The following PITPNC1 variants were observed in gnomAD, a reference collection of about 807,000 sequenced individuals.
The protein encoded by PITPNC1 is cytoplasmic phosphatidylinositol transfer protein 1.
A neutral mutation model predicts 44.7 loss-of-function variants in PITPNC1; 18 were observed. The observed-to-expected ratio is 0.40, with a 90% CI of 0.28 to 0.60. PITPNC1 has a LOEUF of 0.60. PITPNC1 is among the 20% of genes least tolerant of loss of function. The pLI, the probability that PITPNC1 is intolerant of heterozygous loss-of-function variation, is 0.39. For missense variants in PITPNC1, 290 were observed against 418.4 expected, an observed-to-expected ratio of 0.69 and a Z score of 2.68; for synonymous variants, 141 against 149.6, an observed-to-expected ratio of 0.94 and a Z score of 0.42.
chr17:67,671,328 TAAG>T (rs1191904526), intron 7 of PITPNC1, among the ~76,000 whole-genome samples: 2 of 152,232 alleles, frequency 1.3e-5, no homozygotes, highest in Non-Finnish European at 2.9e-5. Flanking sequence ...CTCATTTTCA[TAAG>T]AATAAATACT....
chr17:67,607,878 G>A lies in PITPNC1; in HGVS notation c.367-24265G>A, dbSNP rs9914486. ...CGAGTACCTGGGATTATAGGCGCCCGCCACCATGCCCAGCTAAATTTTTGT... is the reference window on the plus strand; with the variant it reads ...CGAGTACCTGGGATTATAGGCGCCCACCACCATGCCCAGCTAAATTTTTGT... On this transcript the variant is annotated intron_variant, in intron 5 of 8. Transcript: ENST00000581322. 7.7e-3 allele frequency among the ~76,000 whole-genome samples: 1,173 copies of A among 151,824 alleles called. 12 individuals carry two copies. Among genetic ancestry groups the A allele is most frequent in the African/African-American group, 0.027 (1,115 of 41,392 alleles).
Position 67,696,579 on chromosome 17 carries a change from TAA to T in PITPNC1, c.*3695_*3696del, listed in dbSNP as rs34887194. On this transcript the variant is annotated 3_prime_UTR_variant, in exon 9 of 9. Coordinates refer to ENST00000581322, the MANE Select transcript of PITPNC1 (RefSeq NM_012417.4). ...CATCTGAGCCATAGTTCTTGAGATT[TAA>T]AAAGTCTGTCCAGTGACTGCAATCT... 1 of 152,208 alleles carries T rather than the reference TAA, an allele frequency of 6.6e-6. No homozygotes were observed. Among genetic ancestry groups the T allele is most frequent in the Non-Finnish European group, 1.5e-5 (1 of 68,032 alleles). The allele number at this position is 152,208 out of a possible 1,614,324, so 9.4% of individuals were successfully genotyped here. A position where few individuals can be genotyped will look rare whatever the true frequency, so the allele number is the denominator to read the frequency against.
intron 5 of PITPNC1, among the ~76,000 whole-genome samples, chr17:67,607,345 G>A (rs1051025837): frequency 2.6e-5 from 4 of 152,216 alleles, no homozygotes; most frequent in East Asian, 1.9e-4. Context: ...CATTTTCCAG[G>A]TGAGCTTCGG....
At chr17:67,474,823 T>A (rs1310211556) in intron 1 of PITPNC1, among the ~76,000 whole-genome samples, 1 of 150,660 alleles carries the variant, frequency 6.6e-6, no homozygotes. Context: ...CCCGGCGGCT[T>A]TTTTTTTTTT....
chr17:67,685,056 AC>A (rs2042787741), intron 8 of PITPNC1, among the ~76,000 whole-genome samples: 1 of 152,202 alleles, frequency 6.6e-6, no homozygotes, highest in African/African-American at 2.4e-5. Context: ...TAAATTTTCA[AC>A]TCCTAGCTAA....
chr17:67,601,186 G>A (rs2041534721), intron 5 of PITPNC1, among the ~76,000 whole-genome samples: 1 of 152,124 alleles, frequency 6.6e-6, no homozygotes, highest in Admixed American at 6.5e-5. Context: ...ACATTGTCAT[G>A]AAACTGCAGA....
intron 1 of PITPNC1, among the ~76,000 whole-genome samples, chr17:67,518,351 T>C (rs1483300055): frequency 6.6e-6 from 1 of 152,216 alleles, no homozygotes; most frequent in Non-Finnish European, 1.5e-5. Context: ...ATTAAACTTA[T>C]GTTTGCAAAC....
At chr17:67,466,164 C>A (rs2039424359) in intron 1 of PITPNC1, among the ~76,000 whole-genome samples, 1 of 116,280 alleles carries the variant, frequency 8.6e-6, no homozygotes, top group Non-Finnish European at 1.6e-5. Context: ...AAATGCATAA[C>A]TAATTTTTAA....
chr17:67,552,181 T>C, intron 2 of PITPNC1, 76 bp from the exon 3 acceptor site: 1 of 795,482 alleles, frequency 1.3e-6, no homozygotes, highest in Non-Finnish European at 2.2e-6. Flanking sequence ...TCTCCAGCAT[T>C]TTATCCAGAA....
At chr17:67,394,753 G>C (rs1449697918) in intron 1 of PITPNC1, among the ~76,000 whole-genome samples, 4 of 152,140 alleles carry the variant, frequency 2.6e-5, no homozygotes, top group Non-Finnish European at 5.9e-5. Flanking sequence ...TATTAGCCAG[G>C]CGTGGTGGCG....
At chr17:67,578,302 G>C in intron 5 of PITPNC1, 45 bp downstream of exon 5, 2 of 1,312,910 alleles carry the variant, frequency 1.5e-6, no homozygotes, top group Non-Finnish European at 2.2e-6. Context: ...CGTGGGCTCT[G>C]AATATCACAG....
chr17:67,507,054 G>A (rs577433229), intron 1 of PITPNC1, among the ~76,000 whole-genome samples: 2 of 152,140 alleles, frequency 1.3e-5, no homozygotes, highest in East Asian at 3.8e-4. Context: ...AGACCCACTC[G>A]TTAGGATTGC....
At chr17:67,655,558 CAAAAA>C (rs796111267) in intron 6 of PITPNC1, among the ~76,000 whole-genome samples, 107 of 42,078 alleles carry the variant, frequency 2.5e-3, no homozygotes, top group Non-Finnish European at 4.4e-3. Flanking sequence ...AGACTCATCT[CAAAAA>C]AAAAAAAAAA....
chr17:67,502,768 GTATTGTATTGTA>G (rs1253054926), intron 1 of PITPNC1, among the ~76,000 whole-genome samples: 2 of 150,728 alleles, frequency 1.3e-5, no homozygotes, highest in Non-Finnish European at 3.0e-5. Flanking sequence ...GTATTGTATT[GTATTGTATTGTA>G]TTGTATTGTA....
chr17:67,500,809 G>A (rs1303895845), intron 1 of PITPNC1, among the ~76,000 whole-genome samples: 3 of 150,838 alleles, frequency 2.0e-5, no homozygotes, highest in African/African-American at 7.3e-5. Flanking sequence ...TCAGCCTCCC[G>A]AGTAGCTGGG....
chr17:67,664,002 G>A (rs1209744826), intron 6 of PITPNC1, among the ~76,000 whole-genome samples: 6 of 151,968 alleles, frequency 3.9e-5, no homozygotes, highest in African/African-American at 1.2e-4. Context: ...TTGCTCTGTC[G>A]CCCATGCTGG....
At chr17:67,502,155 T>A (rs947473713) in intron 1 of PITPNC1, among the ~76,000 whole-genome samples, 2 of 136,944 alleles carry the variant, frequency 1.5e-5, no homozygotes, top group African/African-American at 4.9e-5. Flanking sequence ...AGCAAAGTAA[T>A]AAGATGAAAG....
At chr17:67,672,522 C>T (rs11655687) in intron 7 of PITPNC1, among the ~76,000 whole-genome samples, 7,681 of 151,612 alleles carry the variant, frequency 0.051, 225 homozygotes, top group Middle Eastern at 0.13. Context: ...TCACTTGAAC[C>T]CAGGAAGTAG....
chr17:67,559,753 G>T (rs2040882855), intron 4 of PITPNC1, among the ~76,000 whole-genome samples: 1 of 152,176 alleles, frequency 6.6e-6, no homozygotes, highest in Non-Finnish European at 1.5e-5. Flanking sequence ...TGTGCATGGT[G>T]ACGCATGCCT....
Sources: allele counts gnomAD v4.1 joint callset (sites outside exome capture counted in the v4.1 genomes callset), GRCh38; gene constraint gnomAD v4.1.1; transcripts MANE v1.5; gene names NCBI Gene and HGNC (gene_info 2026-07-23, HGNC 2026-07-21).